PTCD2: variants seen among roughly 807,000 people sequenced by gnomAD.
The protein encoded by PTCD2 is pentatricopeptide repeat-containing protein 2, mitochondrial.
PTCD2 carries 31 observed loss-of-function variants against 42.6 expected under a neutral mutation model. That is an observed-to-expected ratio of 0.73 (90% confidence interval 0.55 to 0.98). PTCD2 has a LOEUF of 0.98. Ranked by LOEUF, PTCD2 falls within the 50% of genes least tolerant of loss-of-function variation. The pLI is 0.00. For synonymous variants in PTCD2, 183 were observed against 170.9 expected, an observed-to-expected ratio of 1.07 and a Z score of -0.55; for missense variants, 476 against 454.8, an observed-to-expected ratio of 1.05 and a Z score of -0.42.
In PTCD2 at chr5:72,353,793, G is replaced by C. The variant is rs189217216; in HGVS notation, c.942+1039G>C. 9.9e-5 allele frequency among the ~76,000 whole-genome samples: 15 copies of C among 152,218 alleles called. 1 individual carries two copies. In the East Asian group the frequency reaches 1.7e-3, roughly 18 times the overall value. ...GAAGTAGTACTAGGATAAGTAGAGAGCCAATAGAAAAAGATACAGTTGTAT... is the reference window on the plus strand; with the variant it reads ...GAAGTAGTACTAGGATAAGTAGAGACCCAATAGAAAAAGATACAGTTGTAT... On this transcript the variant is annotated intron_variant, in intron 9 of 9. Coordinates refer to ENST00000380639, the MANE Select transcript of PTCD2 (RefSeq NM_024754.5).
chr5:72,325,282 C>T (rs1392192570), intron 2 of PTCD2, among the ~76,000 whole-genome samples: 1 of 152,192 alleles, frequency 6.6e-6, no homozygotes, highest in African/African-American at 2.4e-5. Context: ...TCTTTGATGA[C>T]TTGAGACTTT....
At position 72,358,348 on chromosome 5, in the gene PTCD2, C is replaced by T. The variant is rs751695646; in HGVS notation, c.1088C>T (p.Ser363Phe). The T allele has an allele frequency of 9.3e-6, 15 of 1,614,060 alleles. No homozygotes were observed. Among genetic ancestry groups the T allele is most frequent in the Middle Eastern group, 1.7e-4 (1 of 6,056 alleles). ...VLCHTPRDRK[S>F]HTLLLNKRMV... ...TGCCACACCCCCAGGGACAGGAAAT[C>T]TCACACGTTGCTATTAAACAAGAGG... The change falls in exon 10 of 10, where the codon TCT (serine) becomes TTT (phenylalanine). Residue 363 changes from serine (S) to phenylalanine (F), a missense_variant. By Grantham distance (155) the Ser-to-Phe change is radical. Transcript: ENST00000380639.
chr5:72,356,969 A>G (rs1752904306), intron 9 of PTCD2, among the ~76,000 whole-genome samples: 1 of 152,210 alleles, frequency 6.6e-6, no homozygotes, highest in South Asian at 2.1e-4. Flanking sequence ...TGTACCCTTG[A>G]TAAGGATTGA....
intron 7 of PTCD2, 106 bp downstream of exon 7, chr5:72,338,841 T>C: frequency 1.6e-6 from 1 of 620,908 alleles, no homozygotes; most frequent in African/African-American, 1.9e-5. Flanking sequence ...CGTAAAGAAG[T>C]AGTCACCATA....
At chr5:72,330,934 C>T (rs1751407415) in intron 3 of PTCD2, among the ~76,000 whole-genome samples, 1 of 152,200 alleles carries the variant, frequency 6.6e-6, no homozygotes, top group African/African-American at 2.4e-5. Context: ...TGCTACTAGA[C>T]TCCTGCTGTT....
chr5:72,351,993 A>G (rs1752645423), intron 8 of PTCD2, among the ~76,000 whole-genome samples: 1 of 152,122 alleles, frequency 6.6e-6, no homozygotes, highest in South Asian at 2.1e-4. Context: ...TATTTTCCCC[A>G]TTTTACAAAT....
intron 8 of PTCD2, among the ~76,000 whole-genome samples, chr5:72,348,077 C>A (rs1752449401): frequency 6.6e-6 from 1 of 152,146 alleles, no homozygotes; most frequent in South Asian, 2.1e-4. Context: ...AATGTTCAAC[C>A]CAAATTTCTC....
chr5:72,342,928 G>A lies in PTCD2; in HGVS notation c.754-34G>A. The A allele has an allele frequency of 3.7e-6, 5 of 1,353,412 alleles. No homozygotes were observed. In the South Asian group the frequency reaches 6.2e-5, roughly 17 times the overall value. 83.8% of individuals were successfully genotyped at this position (1,353,412 alleles called of 1,614,324 possible). A position where few individuals can be genotyped will look rare whatever the true frequency, so the allele number is the denominator to read the frequency against. ...CTTTTACAATAACATTAGTTCCTATGATATGGAATATGATTTGTTTCTCTT... is the reference window on the plus strand; with the variant it reads ...CTTTTACAATAACATTAGTTCCTATAATATGGAATATGATTTGTTTCTCTT... On this transcript the variant is annotated intron_variant, in intron 7 of 9. Coordinates refer to ENST00000380639, the MANE Select transcript of PTCD2 (RefSeq NM_024754.5).
intron 1 of PTCD2, chr5:72,321,179 G>C (rs1480793698): frequency 6.6e-6 from 1 of 152,182 alleles, no homozygotes; most frequent in Non-Finnish European, 1.5e-5. Flanking sequence ...AAGACTTAAC[G>C]GCACGTTTCT....
intron 4 of PTCD2, among the ~76,000 whole-genome samples, chr5:72,333,098 T>C (rs1409898656): frequency 6.6e-6 from 1 of 152,162 alleles, no homozygotes; most frequent in African/African-American, 2.4e-5. Flanking sequence ...CTCTGGTGGC[T>C]TTCCCTCACA....
intron 4 of PTCD2, among the ~76,000 whole-genome samples, chr5:72,333,368 G>A (rs998122235): frequency 2.6e-4 from 40 of 152,210 alleles, no homozygotes; most frequent in African/African-American, 9.4e-4. Context: ...ACTAATAGCT[G>A]AAATTAATAT....
At position 72,367,209 on chromosome 5, in the gene PTCD2, T is replaced by A. The variant is rs1753225593; in HGVS notation, c.*8782T>A. The A allele has an allele frequency of 6.6e-6, 1 of 152,214 alleles. No individual in the cohort carries two copies. Among genetic ancestry groups the A allele is most frequent in the African/African-American group, 2.4e-5 (1 of 41,446 alleles). The allele number at this position is 152,214 out of a possible 1,614,324, so 9.4% of individuals were successfully genotyped here. A position where few individuals can be genotyped will look rare whatever the true frequency, so the allele number is the denominator to read the frequency against. ...CCCATCTCTAAGAATAGGTCAAAGA[T>A]GAAATTCCCATTATCATGAAACTTT... On this transcript the variant is annotated 3_prime_UTR_variant, in exon 10 of 10. Transcript: ENST00000380639.
chr5:72,347,680 C>A (rs949720245), intron 8 of PTCD2, among the ~76,000 whole-genome samples: 39 of 151,982 alleles, frequency 2.6e-4, no homozygotes, highest in African/African-American at 9.2e-4. Flanking sequence ...GAGCGAGACT[C>A]TGCCTCCAAC....
intron 3 of PTCD2, among the ~76,000 whole-genome samples, chr5:72,329,935 T>TC (rs1491522277): frequency 2.2e-5 from 3 of 138,320 alleles, no homozygotes; most frequent in South Asian, 2.4e-4. Context: ...ATTTATAACT[T>TC]CTTTTTTTTT....
At position 72,326,681 on chromosome 5, in the gene PTCD2, C is replaced by T. The variant is rs1466179940; in HGVS notation, c.290C>T (p.Thr97Ile). Residue 97 changes from threonine (T) to isoleucine (I), a missense_variant, in exon 3 of 10, where the codon ACC (threonine) becomes ATC (isoleucine). Physicochemically the swap from Thr to Ile is moderately conservative, Grantham distance 89 (BLOSUM62 -1). Coordinates refer to ENST00000380639, the MANE Select transcript of PTCD2 (RefSeq NM_024754.5). ...NKLILKGELI[T>I]LLHLCESRDH... ...CTCATCTTGAAGGGGGAGTTGATAACCTTACTACATTTGTGTGAGTCTCGG... is the reference window on the plus strand; with the variant it reads ...CTCATCTTGAAGGGGGAGTTGATAATCTTACTACATTTGTGTGAGTCTCGG... 6.2e-7 allele frequency: 1 copy of T among 1,614,052 alleles called. No homozygotes were observed. The highest frequency in any genetic ancestry group is 8.5e-7 in the Non-Finnish European group (1 of 1,179,910).
At chr5:72,348,234 A>T (rs1752456586) in intron 8 of PTCD2, among the ~76,000 whole-genome samples, 1 of 152,210 alleles carries the variant, frequency 6.6e-6, no homozygotes, top group African/African-American at 2.4e-5. Context: ...TAGCTTCTCC[A>T]AGGCTGACTC....
chr5:72,333,220 C>T (rs1294262953), intron 4 of PTCD2, among the ~76,000 whole-genome samples: 2 of 152,126 alleles, frequency 1.3e-5, no homozygotes, highest in African/African-American at 2.4e-5. Flanking sequence ...TCAGCCATGG[C>T]GAGCTCACAG....
chr5:72,327,099 G>A (rs965703813), intron 3 of PTCD2, among the ~76,000 whole-genome samples: 7 of 152,108 alleles, frequency 4.6e-5, no homozygotes, highest in African/African-American at 1.7e-4. Context: ...AGATATTTTG[G>A]AGCCTCTTTA....
rs199700973 is a variant in PTCD2, at chr5:72,358,192, C to CT, written c.943-5dup. Reference sequence around the variant, plus strand: ...GCAGAGATGTAATGATGTGTTCTTGCTTTTTTCCAGCTGGCCAAAGTGAGG... The same window carrying CT: ...GCAGAGATGTAATGATGTGTTCTTGCTTTTTTTCCAGCTGGCCAAAGTGAGG... On this transcript the variant is annotated splice_polypyrimidine_tract_variant and intron_variant, in intron 9 of 9. Transcript: ENST00000380639. 5.3e-3 allele frequency: 8,580 copies of CT among 1,610,164 alleles called. 54 individuals carry two copies. The highest frequency in any genetic ancestry group is 4.7e-3 in the Non-Finnish European group (5,484 of 1,177,152).
Sources: gnomAD v4.1 joint callset for allele counts (sites outside exome capture counted in the v4.1 genomes callset) on GRCh38, gnomAD v4.1.1 for gene constraint, MANE v1.5 for transcripts, NCBI Gene and HGNC (gene_info 2026-07-23, HGNC 2026-07-21) for gene names.